Variants in PRKG2 observed in about 807,000 individuals in gnomAD.
PRKG2 encodes the protein cGMP-dependent protein kinase 2.
A neutral mutation model predicts 97.2 loss-of-function variants in PRKG2; 33 were observed. The ratio of observed to expected loss-of-function variants is 0.34; its 90% CI spans 0.26 to 0.45. The LOEUF (loss-of-function observed/expected upper bound fraction) is 0.45, where lower values mean the gene tolerates loss of function less well. Ranked by LOEUF, PRKG2 falls within the 20% of genes least tolerant of loss-of-function variation. The pLI is 1.00. For synonymous variants in PRKG2, 330 were observed against 321.8 expected (o/e 1.03, Z -0.27); for missense variants, 638 against 900.0 (o/e 0.71, Z 3.73).
intron 2 of PRKG2, among the ~76,000 whole-genome samples, chr4:81,181,372 G>T (rs888341294): frequency 2.6e-5 from 4 of 151,688 alleles, no homozygotes; most frequent in Admixed American, 2.6e-4. Flanking sequence ...AAACTTGTAA[G>T]ATGCAGTTAA....
At chr4:81,119,494 A>T (rs575393777) in intron 14 of PRKG2, among the ~76,000 whole-genome samples, 3 of 151,990 alleles carry the variant, frequency 2.0e-5, no homozygotes, top group South Asian at 4.1e-4. Flanking sequence ...TCAATTCCAC[A>T]CTGTCTTCAG....
Position 81,135,316 on chromosome 4 carries a change from C to G in PRKG2, c.1635-20G>C. ...CTGCCTCTGCAACGAAATCATTTTC[C>G]CTCTTAATACTTTGGATACACATCT... On this transcript the variant is annotated intron_variant, in intron 13 of 18. Transcript: ENST00000264399. 1 of 1,608,164 alleles carries G rather than the reference C, an allele frequency of 6.2e-7. No individual in the cohort carries two copies. The highest frequency in any genetic ancestry group is 8.5e-7 in the Non-Finnish European group (1 of 1,176,866).
intron 2 of PRKG2, among the ~76,000 whole-genome samples, chr4:81,188,537 G>C (rs1486089767): frequency 1.4e-5 from 2 of 140,788 alleles, no homozygotes; most frequent in Non-Finnish European, 3.0e-5. Context: ...ATACCCAAAG[G>C]ACTATAAATC....
At chr4:81,104,717 C>T (rs1560538524) in intron 16 of PRKG2, among the ~76,000 whole-genome samples, 1 of 151,952 alleles carries the variant, frequency 6.6e-6, no homozygotes, top group African/African-American at 2.4e-5. Flanking sequence ...AACAAGCAGG[C>T]ACTATCTTGC....
chr4:81,144,606 A>T lies in PRKG2; in HGVS notation c.1155-276T>A, dbSNP rs1353665111. Among the ~76,000 whole-genome samples, 11 of 132,182 alleles carry T rather than the reference A, an allele frequency of 8.3e-5. No individual in the cohort carries two copies. The South Asian group carries it at 1.3e-3, about 16-fold the overall frequency. The allele number at this position is 132,182 out of a possible 152,430, so 86.7% of individuals were successfully genotyped here. A position where few individuals can be genotyped will look rare whatever the true frequency, so the allele number is the denominator to read the frequency against. ...CTTGTATTTAAGGTTATATATATAT[A>T]TATATTTTTTTTTTATTATACTTTA... On this transcript the variant is annotated intron_variant, in intron 9 of 18. Coordinates refer to ENST00000264399, the MANE Select transcript of PRKG2 (RefSeq NM_006259.3).
chr4:81,186,027 G>A (rs995233068), intron 2 of PRKG2, among the ~76,000 whole-genome samples: 1 of 152,134 alleles, frequency 6.6e-6, no homozygotes, highest in Non-Finnish European at 1.5e-5. Flanking sequence ...AGTAGCGGGA[G>A]ACTTCAACGC....
At chr4:81,089,872 T>C in intron 18 of PRKG2, 69 bp from the exon 19 acceptor site, 6 of 1,268,218 alleles carry the variant, frequency 4.7e-6, no homozygotes, top group Non-Finnish European at 6.8e-6. Context: ...ATATGGGTAA[T>C]GTTTTTTATT....
intron 2 of PRKG2, 53 bp downstream of exon 2, chr4:81,204,534 A>G: frequency 6.7e-7 from 1 of 1,484,580 alleles, no homozygotes; most frequent in South Asian, 1.3e-5. Context: ...TGTCACTCTC[A>G]TATTTCACAA....
intron 14 of PRKG2, among the ~76,000 whole-genome samples, chr4:81,110,825 A>G (rs1211849152): frequency 6.6e-6 from 1 of 150,656 alleles, no homozygotes; most frequent in Non-Finnish European, 1.5e-5. Context: ...ATTCCTTTGC[A>G]GGGTCAGGTG....
intron 6 of PRKG2, among the ~76,000 whole-genome samples, chr4:81,155,886 T>C (rs1191295041): frequency 1.3e-5 from 2 of 151,308 alleles, no homozygotes; most frequent in Non-Finnish European, 2.9e-5. Context: ...TGCTGAGAGA[T>C]TTCATCACCA....
intron 7 of PRKG2, among the ~76,000 whole-genome samples, chr4:81,153,103 T>C (rs1395240073): frequency 6.6e-6 from 1 of 152,200 alleles, no homozygotes; most frequent in Non-Finnish European, 1.5e-5. Context: ...ATTCAATATC[T>C]AGGTAAAGAA....
chr4:81,131,807 C>G (rs1190042620), intron 14 of PRKG2, among the ~76,000 whole-genome samples: 1 of 152,116 alleles, frequency 6.6e-6, no homozygotes, highest in Non-Finnish European at 1.5e-5. Context: ...AGTTATTTGT[C>G]TTTTCCTATA....
intron 14 of PRKG2, among the ~76,000 whole-genome samples, chr4:81,124,918 T>C (rs1314325129): frequency 1.3e-5 from 2 of 152,210 alleles, no homozygotes; most frequent in Admixed American, 6.5e-5. Context: ...ATGATTGGTG[T>C]CATTTTTAAT....
At chr4:81,128,564 G>T (rs944658602) in intron 14 of PRKG2, among the ~76,000 whole-genome samples, 1 of 152,128 alleles carries the variant, frequency 6.6e-6, no homozygotes, top group African/African-American at 2.4e-5. Context: ...CCTTGGGAGG[G>T]TGTATGTGTC....
chr4:81,100,162 C>T (rs1166540302), intron 17 of PRKG2, among the ~76,000 whole-genome samples: 2 of 151,534 alleles, frequency 1.3e-5, no homozygotes, highest in African/African-American at 4.9e-5. Context: ...AGATTCAATG[C>T]CATCTCCATC....
At chr4:81,186,809 C>G (rs1053725920) in intron 2 of PRKG2, among the ~76,000 whole-genome samples, 14 of 152,140 alleles carry the variant, frequency 9.2e-5, no homozygotes, top group Non-Finnish European at 1.5e-4. Context: ...ACTGATCCCA[C>G]ATAAATACAA....
At chr4:81,152,803 A>G (rs907504818) in intron 7 of PRKG2, among the ~76,000 whole-genome samples, 1 of 152,220 alleles carries the variant, frequency 6.6e-6, no homozygotes, top group East Asian at 1.9e-4. Context: ...TTGGGAAAAA[A>G]TGACAAGAAG....
chr4:81,167,825 G>T (rs557963825), intron 5 of PRKG2, among the ~76,000 whole-genome samples: 1 of 151,836 alleles, frequency 6.6e-6, no homozygotes, highest in Non-Finnish European at 1.5e-5. Context: ...CCAAGGGAAT[G>T]ATCACTAAAC....
intron 14 of PRKG2, among the ~76,000 whole-genome samples, chr4:81,118,418 G>C (rs1302770357): frequency 6.6e-6 from 1 of 152,164 alleles, no homozygotes; most frequent in East Asian, 1.9e-4. Flanking sequence ...CTTCCAAACT[G>C]CCTGTCAAAG....
Sources: gnomAD v4.1 joint callset for allele counts (sites outside exome capture counted in the v4.1 genomes callset) on GRCh38, gnomAD v4.1.1 for gene constraint, MANE v1.5 for transcripts, NCBI Gene and HGNC (gene_info 2026-07-23, HGNC 2026-07-21) for gene names.